Variants in AADAT observed in about 807,000 individuals in gnomAD.
AADAT encodes kynurenine/alpha-aminoadipate aminotransferase, mitochondrial.
In AADAT, 25 loss-of-function variants were observed where a neutral mutation model predicts 56.2. That is an observed-to-expected ratio of 0.44 (90% CI 0.32 to 0.62). The LOEUF (loss-of-function observed/expected upper bound fraction) is 0.62. Among genes scored for constraint, AADAT ranks in the 20% least tolerant of loss-of-function variants. The probability of loss-of-function intolerance (pLI) is 0.04; values close to 1 mark genes in which losing one functional copy is unlikely to be tolerated. For missense variants in AADAT, 387 were observed against 510.5 expected (o/e 0.76, Z 2.33); for synonymous variants, 173 against 164.7 (o/e 1.05, Z -0.39).
At chr4:170,092,930 C>G (rs894379599), upstream of AADAT, among the ~76,000 whole-genome samples, 1 of 152,208 alleles carries the variant, frequency 6.6e-6, no homozygotes, top group Non-Finnish European at 1.5e-5. Context: ...GCACACAGAT[C>G]CTTATGTGTT....
Position 170,064,760 on chromosome 4 carries a change from C to T in AADAT, c.1093G>A (p.Asp365Asn), listed in dbSNP as rs1290781761. 6.2e-7 allele frequency: 1 copy of T among 1,611,770 alleles called. No individual in the cohort carries two copies. The highest frequency in any genetic ancestry group is 8.5e-7 in the Non-Finnish European group (1 of 1,179,544). The change falls in exon 11 of 13, where the codon GAT (aspartate) becomes AAT (asparagine). Residue 365 changes from aspartate (D) to asparagine (N), a missense_variant. Coordinates refer to ENST00000337664, the MANE Select transcript of AADAT (RefSeq NM_016228.4). ...TTTTCTTCAATCAGTTCTTTTACAT[C>T]ATTAATGCCTTTAACTTTAATCCAT... ...FLWIKVKGINDVKELIEEKAV... is the reference protein window; with the variant it reads ...FLWIKVKGINNVKELIEEKAV...
At chr4:170,064,597 G>C (rs959270857) in intron 11 of AADAT, 122 bp downstream of exon 11, 3 of 728,062 alleles carry the variant, frequency 4.1e-6, no homozygotes, top group South Asian at 3.8e-5. Flanking sequence ...TCTAATATTA[G>C]AACATTATGA....
rs1731395940 is a variant in AADAT at position 170,065,327 on chromosome 4, A to G, written c.1028-502T>C. On this transcript the variant is annotated intron_variant, in intron 10 of 12. Transcript: ENST00000337664. Reference sequence around the variant, plus strand: ...ATACTTAAAATTCAAGAATTCCAGAAGCAGTTGTGGGCTTTACGTTTCATT... The same window carrying G: ...ATACTTAAAATTCAAGAATTCCAGAGGCAGTTGTGGGCTTTACGTTTCATT... Among the ~76,000 whole-genome samples, 3 of 152,334 alleles carry G rather than the reference A, an allele frequency of 2.0e-5. No homozygotes were observed. The South Asian group carries it at 6.2e-4, about 32-fold the overall frequency.
At chr4:170,084,990 T>C (rs552072995) in intron 3 of AADAT, among the ~76,000 whole-genome samples, 64 of 152,292 alleles carry the variant, frequency 4.2e-4, no homozygotes, top group African/African-American at 1.5e-3. Flanking sequence ...TCTTCCTCCT[T>C]CTCCTCAGCC....
chr4:170,068,557 C>CG, intron 8 of AADAT, 34 bp downstream of exon 8: 3 of 1,347,702 alleles, frequency 2.2e-6, no homozygotes, highest in Middle Eastern at 2.5e-4. Flanking sequence ...AATCTGATTA[C>CG]AAAAAAAAAA....
intron 3 of AADAT, among the ~76,000 whole-genome samples, chr4:170,086,548 T>C (rs1732573786): frequency 6.6e-6 from 1 of 152,088 alleles, no homozygotes; most frequent in South Asian, 2.1e-4. Context: ...TATGTGTATC[T>C]CAGGAATATG....
chr4:170,092,317 G>A (rs1732885403), upstream of AADAT, among the ~76,000 whole-genome samples: 1 of 152,172 alleles, frequency 6.6e-6, no homozygotes, highest in African/African-American at 2.4e-5. Context: ...CTGAGGCCGT[G>A]GAGACCACGC....
chr4:170,078,544 G>A lies in AADAT; in HGVS notation c.409C>T (p.Leu137=), dbSNP rs749031699. ...MIINPGDNVL[L]DEPAYSGTLQ... The stretch of plus-strand genomic sequence containing the variant: ...GTTCCTGAATAAGCAGGTTCATCTA[G>A]GAGGACATTATCTCCAGGATTAATG... The change falls in exon 4 of 13, where the codon CTA becomes TTA. Residue 137 remains leucine, a synonymous_variant. Coordinates refer to ENST00000337664, the MANE Select transcript of AADAT (RefSeq NM_016228.4). 1.2e-6 allele frequency: 2 copies of A among 1,608,664 alleles called. No homozygotes were observed. Among genetic ancestry groups the A allele is most frequent in the South Asian group, 2.2e-5 (2 of 90,270 alleles).
intron 3 of AADAT, among the ~76,000 whole-genome samples, chr4:170,085,431 A>C (rs1732510108): frequency 6.6e-6 from 1 of 152,204 alleles, no homozygotes; most frequent in African/African-American, 2.4e-5. Flanking sequence ...AGGAGTCTAA[A>C]ATAACATGAC....
chr4:170,070,757 G>A, intron 5 of AADAT, 105 bp from the exon 6 acceptor site: 1 of 749,876 alleles, frequency 1.3e-6, no homozygotes, highest in Non-Finnish European at 2.1e-6. Context: ...CTCATTCAAG[G>A]AACTACTGTG....
At chr4:170,093,560 G>T (rs2111230872), upstream of AADAT, among the ~76,000 whole-genome samples, 1 of 152,308 alleles carries the variant, frequency 6.6e-6, no homozygotes, top group South Asian at 2.1e-4. Flanking sequence ...ACCCGTCTGT[G>T]ATTTGTAGTA....
chr4:170,087,373 CT>C (rs1732615428), intron 2 of AADAT, 125 bp from the exon 3 acceptor site: 1 of 867,058 alleles, frequency 1.2e-6, no homozygotes, highest in Non-Finnish European at 1.7e-6. Context: ...CCCTCAAATG[CT>C]TTTTGCCAGT....
intron 10 of AADAT, among the ~76,000 whole-genome samples, chr4:170,065,479 TA>T (rs1731409176): frequency 1.3e-5 from 2 of 151,928 alleles, no homozygotes; most frequent in African/African-American, 4.8e-5. Flanking sequence ...AGTGGTAAAA[TA>T]ATGCTATTGT....
At chr4:170,089,397 T>A in intron 1 of AADAT, 1 of 602,384 alleles carries the variant, frequency 1.7e-6, no homozygotes, top group East Asian at 2.8e-5. Flanking sequence ...TCTCTACTGT[T>A]GCTCCTACTC....
chr4:170,066,142 T>C (rs1731448834), intron 10 of AADAT, among the ~76,000 whole-genome samples: 1 of 152,144 alleles, frequency 6.6e-6, no homozygotes, highest in Admixed American at 6.5e-5. Context: ...AAATAGATAT[T>C]ATTAAGCTTT....
At chr4:170,084,844 G>A (rs1732478363) in intron 3 of AADAT, among the ~76,000 whole-genome samples, 1 of 152,198 alleles carries the variant, frequency 6.6e-6, no homozygotes, top group Non-Finnish European at 1.5e-5. Context: ...GTGGCAGCAC[G>A]TACATATCAA....
chr4:170,069,117 C>G, intron 7 of AADAT, 31 bp downstream of exon 7: 1 of 1,585,780 alleles, frequency 6.3e-7, no homozygotes, highest in Non-Finnish European at 8.6e-7. Flanking sequence ...TCTATTAGAT[C>G]TAGCGTCAAG....
chr4:170,061,289 T>C (rs1049356467), intron 12 of AADAT, among the ~76,000 whole-genome samples: 3 of 152,214 alleles, frequency 2.0e-5, no homozygotes, highest in Non-Finnish European at 4.4e-5. Context: ...ATAGATTCAA[T>C]TGCCCAACTC....
chr4:170,070,533 T>C, intron 6 of AADAT, 54 bp downstream of exon 6: 2 of 1,356,450 alleles, frequency 1.5e-6, no homozygotes, highest in Non-Finnish European at 2.1e-6. Flanking sequence ...CACAGTGCAG[T>C]AACTTAAAAC....
Sources: allele counts gnomAD v4.1 joint callset (sites outside exome capture counted in the v4.1 genomes callset), GRCh38; gene constraint gnomAD v4.1.1; transcripts MANE v1.5; gene names NCBI Gene and HGNC (gene_info 2026-07-23, HGNC 2026-07-21).